Variants in PCDHAC2 observed in about 807,000 individuals in gnomAD.
PCDHAC2 encodes protocadherin alpha-C2.
In PCDHAC2, 24 loss-of-function variants were observed where a neutral mutation model predicts 63.3. The observed-to-expected ratio is 0.38, with a 90% CI of 0.27 to 0.53. The LOEUF (loss-of-function observed/expected upper bound fraction) is 0.53, where lower values mean the gene tolerates loss of function less well. Among genes scored for constraint, PCDHAC2 ranks in the 20% least tolerant of loss-of-function variants. The pLI, the probability that PCDHAC2 is intolerant of heterozygous loss-of-function variation, is 0.81. For synonymous variants in PCDHAC2, 569 were observed against 529.4 expected, an observed-to-expected ratio of 1.07 and a Z score of -1.03; for missense variants, 1,181 against 1,275.2, an observed-to-expected ratio of 0.93 and a Z score of 1.12.
chr5:140,986,638 G>A (rs185773882), intron 3 of PCDHAC2, among the ~76,000 whole-genome samples: 18 of 152,282 alleles, frequency 1.2e-4, no homozygotes, highest in Non-Finnish European at 2.6e-4. Flanking sequence ...CAGTACATTA[G>A]TTTTAGAGTG....
At chr5:140,980,440 G>A (rs1317929590) in intron 2 of PCDHAC2, among the ~76,000 whole-genome samples, 1 of 152,144 alleles carries the variant, frequency 6.6e-6, no homozygotes, top group African/African-American at 2.4e-5. Flanking sequence ...GACCATCCTG[G>A]ACAACACGGT....
chr5:141,003,469 A>G (rs536017033), intron 3 of PCDHAC2, among the ~76,000 whole-genome samples: 53 of 152,106 alleles, frequency 3.5e-4, no homozygotes, highest in Admixed American at 2.3e-3. Flanking sequence ...GCACCACCAC[A>G]GTCTCGCTAA....
chr5:140,968,588 A>G lies in PCDHAC2; in HGVS notation c.1822A>G (p.Ile608Val), dbSNP rs1554230894. 1 of 1,614,180 alleles carries G rather than the reference A, an allele frequency of 6.2e-7. No homozygotes were observed. Among genetic ancestry groups the G allele is most frequent in the South Asian group, 1.1e-5 (1 of 91,088 alleles). ...TGCTGGCTACCTGGTCACCAAAGTCATAGCTATGGACTCAGACTCTGGGCA... is the reference window on the plus strand; with the variant it reads ...TGCTGGCTACCTGGTCACCAAAGTCGTAGCTATGGACTCAGACTCTGGGCA... ...APAGYLVTKV[I>V]AMDSDSGQNA... The change falls in exon 1 of 4, where the codon ATA (isoleucine) becomes GTA (valine). Residue 608 changes from isoleucine (I) to valine (V), a missense_variant. By Grantham distance (29) the Ile-to-Val change is conservative. Transcript: ENST00000289269.
In PCDHAC2 at chr5:140,998,789, C is replaced by T. The variant is rs920510450; in HGVS notation, c.2714-10838C>T. On this transcript the variant is annotated intron_variant, in intron 3 of 3. Transcript: ENST00000289269. ...ATGTTGGTCAGGCTGGTCTGGAACC[C>T]CTGACCTCAGGTGATCTGCCTGCCT... 4.6e-5 allele frequency among the ~76,000 whole-genome samples: 7 copies of T among 152,118 alleles called. 1 individual carries two copies. Among genetic ancestry groups the T allele is most frequent in the Admixed American group, 2.6e-4 (4 of 15,262 alleles).
intron 3 of PCDHAC2, among the ~76,000 whole-genome samples, chr5:140,988,674 T>C (rs1221039125): frequency 1.3e-5 from 2 of 152,240 alleles, no homozygotes; most frequent in Non-Finnish European, 2.9e-5. Context: ...GACTCTAAGA[T>C]AATTCTTTCC....
chr5:140,996,587 C>T (rs1260417239), intron 3 of PCDHAC2, among the ~76,000 whole-genome samples: 4 of 151,994 alleles, frequency 2.6e-5, no homozygotes, highest in South Asian at 2.1e-4. Context: ...TAACAAGGGC[C>T]GCCTCCCCCC....
chr5:140,996,944 ATATT>A (rs2097754010), intron 3 of PCDHAC2, among the ~76,000 whole-genome samples: 1 of 152,144 alleles, frequency 6.6e-6, no homozygotes, highest in Non-Finnish European at 1.5e-5. Flanking sequence ...TTGCATAGAA[ATATT>A]TATTTCCCTC....
intron 1 of PCDHAC2, among the ~76,000 whole-genome samples, chr5:140,970,397 T>C (rs2096402198): frequency 6.6e-6 from 1 of 152,218 alleles, no homozygotes; most frequent in Non-Finnish European, 1.5e-5. Flanking sequence ...GGAAAGTGGA[T>C]GGCTTACCCT....
chr5:140,994,190 C>G (rs1377695035), intron 3 of PCDHAC2, among the ~76,000 whole-genome samples: 1 of 152,136 alleles, frequency 6.6e-6, no homozygotes, highest in Non-Finnish European at 1.5e-5. Context: ...ACCACCAGGG[C>G]CTGTTGGTCC....
chr5:140,976,952 C>T lies in PCDHAC2; in HGVS notation c.2566-1997C>T, dbSNP rs183824. 1.8e-3 allele frequency among the ~76,000 whole-genome samples: 271 copies of T among 152,298 alleles called. 1 individual carries two copies. Among genetic ancestry groups the T allele is most frequent in the African/African-American group, 6.2e-3 (258 of 41,574 alleles). The stretch of plus-strand genomic sequence containing the variant: ...GTAGCTACTTAAAACATATTATATG[C>T]TTTCTTCCTTTCCTTTTCCCTGCCT... On this transcript the variant is annotated intron_variant, in intron 1 of 3. Coordinates refer to ENST00000289269, the MANE Select transcript of PCDHAC2 (RefSeq NM_018899.6).
In PCDHAC2 at chr5:141,009,814, A is replaced by C. The variant is rs781835321; in HGVS notation, c.2901A>C (p.Lys967Asn). Residue 967 changes from lysine to asparagine, a missense_variant, in exon 4 of 4, where the codon AAA (lysine) becomes AAC (asparagine). By Grantham distance (94) the Lys-to-Asn change is moderately conservative. Around this residue, in one of 3 missense-constraint regions of PCDHAC2, gnomAD observed 968 missense variants for 1,073.5 expected, o/e 0.90. Coordinates refer to ENST00000289269, the MANE Select transcript of PCDHAC2 (RefSeq NM_018899.6). ...RQEPTNSQID[K>N]SDFITFGKKE... ...AGCCTACTAACAGCCAAATTGACAA[A>C]AGTGACTTCATAACCTTCGGCAAAA... The C allele has an allele frequency of 6.2e-7, 1 of 1,614,124 alleles. No individual in the cohort carries two copies. The highest frequency in any genetic ancestry group is 8.5e-7 in the Non-Finnish European group (1 of 1,180,010).
rs2096048243 is a variant in PCDHAC2 at position 140,966,747 on chromosome 5, C to T, written c.-20C>T. 3 of 1,426,904 alleles carry T rather than the reference C, an allele frequency of 2.1e-6. No homozygotes were observed. The highest frequency in any genetic ancestry group is 5.5e-5 in the Admixed American group (2 of 36,534). The allele number at this position is 1,426,904 out of a possible 1,614,324, so 88.4% of individuals were successfully genotyped here. A position where few individuals can be genotyped will look rare whatever the true frequency, so the allele number is the denominator to read the frequency against. ...GCCGCCTCCGGCCCTGCCCGGCTGC[C>T]TCCGCCGCGGCCAGTGGCTATGGAG... On this transcript the variant is annotated 5_prime_UTR_variant, in exon 1 of 4. Coordinates refer to ENST00000289269, the MANE Select transcript of PCDHAC2 (RefSeq NM_018899.6).
At chr5:141,005,304 A>G (rs2098205361) in intron 3 of PCDHAC2, among the ~76,000 whole-genome samples, 1 of 152,200 alleles carries the variant, frequency 6.6e-6, no homozygotes, top group Non-Finnish European at 1.5e-5. Context: ...GCCTTTGTGA[A>G]TCTTACAGTG....
intron 3 of PCDHAC2, among the ~76,000 whole-genome samples, chr5:141,009,392 G>A (rs1016452113): frequency 2.6e-5 from 4 of 152,184 alleles, no homozygotes; most frequent in Non-Finnish European, 4.4e-5. Flanking sequence ...ACAGGAGGTC[G>A]AGGCTGCAGT....
Position 140,973,415 on chromosome 5 carries a change from A to C in PCDHAC2, c.2565+4084A>C, listed in dbSNP as rs552618579. On this transcript the variant is annotated intron_variant, in intron 1 of 3. Coordinates refer to ENST00000289269, the MANE Select transcript of PCDHAC2 (RefSeq NM_018899.6). ...AATCATATCTATGAGCTTCCACTCC[A>C]GTTTTTCATCCTCTGATGGTCACTT... Among the ~76,000 whole-genome samples the C allele has an allele frequency of 1.8e-3, 272 of 152,344 alleles. 1 individual carries two copies. Among genetic ancestry groups the C allele is most frequent in the Non-Finnish European group, 3.1e-3 (212 of 68,028 alleles).
intron 3 of PCDHAC2, among the ~76,000 whole-genome samples, chr5:140,990,479 G>A (rs1227837227): frequency 3.3e-5 from 5 of 152,184 alleles, no homozygotes; most frequent in Non-Finnish European, 5.9e-5. Context: ...GTATCAAGCT[G>A]AATAGTGAGG....
At chr5:141,002,682 G>A (rs536105955) in intron 3 of PCDHAC2, among the ~76,000 whole-genome samples, 51 of 152,256 alleles carry the variant, frequency 3.3e-4, no homozygotes, top group African/African-American at 1.0e-3. Flanking sequence ...CCTATACGAC[G>A]TGCAGATTTG....
chr5:140,980,239 A>G (rs1453927657), intron 2 of PCDHAC2, among the ~76,000 whole-genome samples: 1 of 152,230 alleles, frequency 6.6e-6, no homozygotes, highest in Non-Finnish European at 1.5e-5. Flanking sequence ...TGGTGGAGAC[A>G]TGCAATGGGT....
At position 140,966,988 on chromosome 5, in the gene PCDHAC2, G is replaced by C. The variant is rs782004679; in HGVS notation, c.222G>C (p.Pro74=). 1.2e-5 allele frequency: 20 copies of C among 1,603,962 alleles called. No homozygotes were observed. The African/African-American group carries it at 2.1e-4, about 17-fold the overall frequency. ...ALGLELRRLG[P]GCLRINHLGA... Reference sequence around the variant, plus strand: ...GGCTTGAGCTGCGGCGCTTGGGGCCGGGTTGCTTGCGCATCAACCATCTGG... The same window carrying C: ...GGCTTGAGCTGCGGCGCTTGGGGCCCGGTTGCTTGCGCATCAACCATCTGG... Residue 74 remains proline, a synonymous_variant, in exon 1 of 4, where the codon CCG becomes CCC. Transcript: ENST00000289269.
Sources: gnomAD v4.1 joint callset for allele counts (sites outside exome capture counted in the v4.1 genomes callset) on GRCh38, gnomAD v4.1.1 for gene constraint, gnomAD v4.1.1 regional missense constraint, MANE v1.5 for transcripts, NCBI Gene and HGNC (gene_info 2026-07-23, HGNC 2026-07-21) for gene names.